Variants in CSMD1 observed in about 807,000 individuals in gnomAD.
CSMD1 encodes the protein CUB and Sushi multiple domains 1, also known as CUB and sushi domain-containing protein 1.
CSMD1 carries 213 observed loss-of-function variants against 417.5 expected under a neutral mutation model. The ratio of observed to expected loss-of-function variants is 0.51; its 90% CI spans 0.46 to 0.57. The LOEUF (loss-of-function observed/expected upper bound fraction) is 0.57. CSMD1 is among the 20% of genes least tolerant of loss of function. The pLI is 0.00. For missense variants in CSMD1, 6,923 were observed against 4,529.7 expected, an observed-to-expected ratio of 1.53 and a Z score of -15.17; for synonymous variants, 2,862 against 1,736.8, an observed-to-expected ratio of 1.65 and a Z score of -16.11.
intron 27 of CSMD1, 98 bp from the exon 28 acceptor site, chr8:3,223,965 G>C: frequency 3.3e-6 from 4 of 1,212,398 alleles, no homozygotes; most frequent in Non-Finnish European, 4.6e-6. Context: ...TTAAGAAAAA[G>C]ACATCAGCAT....
intron 3 of CSMD1, among the ~76,000 whole-genome samples, chr8:4,329,816 G>C (rs1018343512): frequency 6.6e-6 from 1 of 150,918 alleles, no homozygotes; most frequent in Non-Finnish European, 1.5e-5. Context: ...ATGAGATGTG[G>C]TCAATTAAAA....
intron 54 of CSMD1, among the ~76,000 whole-genome samples, chr8:2,985,347 C>A (rs1805796959): frequency 6.6e-6 from 1 of 151,726 alleles, no homozygotes; most frequent in South Asian, 2.1e-4. Context: ...GATACTGCTA[C>A]ACTGTTTCAC....
At chr8:4,253,976 G>C (rs1028933919) in intron 3 of CSMD1, among the ~76,000 whole-genome samples, 2 of 141,308 alleles carry the variant, frequency 1.4e-5, no homozygotes, top group African/African-American at 5.4e-5. Context: ...GAGTGCAGTG[G>C]TGCGATCTCG....
chr8:3,396,058 C>T (rs1811676057), intron 17 of CSMD1, 136 bp downstream of exon 17: 1 of 689,276 alleles, frequency 1.5e-6, no homozygotes, highest in South Asian at 1.9e-5. Flanking sequence ...CTTACAATTG[C>T]ATAGTATGGT....
intron 1 of CSMD1, among the ~76,000 whole-genome samples, chr8:4,680,150 G>C (rs1805947621): frequency 6.6e-6 from 1 of 152,168 alleles, no homozygotes; most frequent in Non-Finnish European, 1.5e-5. Context: ...AATATACACA[G>C]CAGTGTATGT....
At chr8:4,654,107 G>C (rs12114621) in intron 1 of CSMD1, among the ~76,000 whole-genome samples, 1,778 of 152,056 alleles carry the variant, frequency 0.012, 50 homozygotes, top group African/African-American at 0.04. Context: ...TGCAAACCAG[G>C]GCCGATGTTA....
chr8:4,571,714 T>G (rs1002086865), intron 2 of CSMD1, among the ~76,000 whole-genome samples: 1 of 152,192 alleles, frequency 6.6e-6, no homozygotes, highest in Non-Finnish European at 1.5e-5. Context: ...ATCTGTCTAG[T>G]ATTGACAGTG....
At chr8:4,871,531 C>G (rs1802740199) in intron 1 of CSMD1, among the ~76,000 whole-genome samples, 1 of 152,030 alleles carries the variant, frequency 6.6e-6, no homozygotes, top group Admixed American at 6.5e-5. Context: ...ACCAAGCACC[C>G]AACATATTAG....
intron 5 of CSMD1, among the ~76,000 whole-genome samples, chr8:3,894,291 T>C (rs1807198863): frequency 6.6e-6 from 1 of 152,154 alleles, no homozygotes. Flanking sequence ...TGTGCACCTG[T>C]CTCGCTCCAG....
At chr8:3,180,346 G>T (rs909895293) in intron 37 of CSMD1, among the ~76,000 whole-genome samples, 1 of 152,116 alleles carries the variant, frequency 6.6e-6, no homozygotes, top group Non-Finnish European at 1.5e-5. Context: ...ACAAATGCAG[G>T]CTCCGGAGCA....
At chr8:4,166,867 A>G (rs916256998) in intron 3 of CSMD1, among the ~76,000 whole-genome samples, 1 of 152,240 alleles carries the variant, frequency 6.6e-6, no homozygotes, top group Non-Finnish European at 1.5e-5. Context: ...TGAACAACAA[A>G]TAATATTTAA....
chr8:3,175,479 T>TTCCTTCCTTCCTG (rs71513024), intron 37 of CSMD1, among the ~76,000 whole-genome samples: 1 of 27,684 alleles, frequency 3.6e-5, no homozygotes, highest in Non-Finnish European at 1.0e-4. Flanking sequence ...TCTTTTCCCT[T>TTCCTTCCTTCCTG]CCTTCCTGCC....
chr8:4,848,027 T>C (rs1222693015), intron 1 of CSMD1, among the ~76,000 whole-genome samples: 5 of 152,178 alleles, frequency 3.3e-5, no homozygotes, highest in African/African-American at 1.2e-4. Flanking sequence ...CTTTTGTCTC[T>C]GTAGATTTCC....
intron 7 of CSMD1, chr8:3,700,762 G>A (rs778529375): frequency 2.6e-5 from 4 of 152,270 alleles, no homozygotes; most frequent in Non-Finnish European, 4.4e-5. Flanking sequence ...TCAAGAAACA[G>A]CCCAGAAACC....
intron 1 of CSMD1, among the ~76,000 whole-genome samples, chr8:4,901,940 T>A (rs898731868): frequency 1.3e-5 from 2 of 152,174 alleles, no homozygotes; most frequent in East Asian, 3.9e-4. Flanking sequence ...CAGATATTGA[T>A]CTTCACAACC....
chr8:4,583,780 GC>G (rs1282697380), intron 2 of CSMD1, among the ~76,000 whole-genome samples: 3 of 152,108 alleles, frequency 2.0e-5, no homozygotes, highest in Non-Finnish European at 4.4e-5. Context: ...TGTGGGTGGG[GC>G]CAGATAAGAG....
rs182425282 is a variant in CSMD1 at position 4,326,165 on chromosome 8, T to A, written c.415+93788A>T. On this transcript the variant is annotated intron_variant, in intron 3 of 69. Transcript: ENST00000635120. The stretch of plus-strand genomic sequence containing the variant: ...TCAGTTTAGAGTTGTGCCAGAGAAT[T>A]TGGCTTTCTAACAAGCTCCCTGGGG... Among the ~76,000 whole-genome samples the A allele has an allele frequency of 8.5e-5, 13 of 152,234 alleles. No individual in the cohort carries two copies. The East Asian group carries it at 1.7e-3, about 20-fold the overall frequency.
intron 23 of CSMD1, among the ~76,000 whole-genome samples, chr8:3,310,943 T>C (rs1805293605): frequency 6.6e-6 from 1 of 152,172 alleles, no homozygotes; most frequent in African/African-American, 2.4e-5. Context: ...TAAACTGAGC[T>C]TTGAAACACA....
intron 5 of CSMD1, among the ~76,000 whole-genome samples, chr8:3,976,763 G>C (rs371248832): frequency 4.6e-5 from 7 of 152,132 alleles, no homozygotes; most frequent in Non-Finnish European, 7.3e-5. Context: ...ATTTTGTAGA[G>C]AATGAAATTC....
Sources: gnomAD v4.1 joint callset for allele counts (sites outside exome capture counted in the v4.1 genomes callset) on GRCh38, gnomAD v4.1.1 for gene constraint, MANE v1.5 for transcripts, NCBI Gene and HGNC (gene_info 2026-07-23, HGNC 2026-07-21) for gene names.